Variants in MACROD2 observed in about 807,000 individuals in gnomAD.
The protein encoded by MACROD2 is ADP-ribose glycohydrolase MACROD2.
In MACROD2, 36 loss-of-function variants were observed where a neutral mutation model predicts 70.4. That is an observed-to-expected ratio of 0.51 (90% CI 0.39 to 0.68). The LOEUF is 0.68. Among genes scored for constraint, MACROD2 ranks in the 30% least tolerant of loss-of-function variants. MACROD2 has a pLI of 0.00. For synonymous variants in MACROD2, 172 were observed against 178.8 expected, an observed-to-expected ratio of 0.96 and a Z score of 0.30; for missense variants, 496 against 538.4, an observed-to-expected ratio of 0.92 and a Z score of 0.78.
chr20:15,825,320 A>C (rs79942376), intron 8 of MACROD2, among the ~76,000 whole-genome samples: 1 of 152,128 alleles, frequency 6.6e-6, no homozygotes, highest in African/African-American at 2.4e-5. Context: ...TCCAGGACAC[A>C]GGCATCATAC....
intron 7 of MACROD2, among the ~76,000 whole-genome samples, chr20:15,478,290 G>C (rs6043311): frequency 2.0e-5 from 3 of 152,194 alleles, no homozygotes; most frequent in Admixed American, 6.5e-5. Context: ...TACTGGATAA[G>C]GATTATTCCC....
chr20:15,028,337 T>G (rs911698746), intron 5 of MACROD2, among the ~76,000 whole-genome samples: 1 of 152,184 alleles, frequency 6.6e-6, no homozygotes, highest in African/African-American at 2.4e-5. Context: ...AGCTGAGCCT[T>G]CTAATGCACA....
At chr20:14,878,814 TAC>T (rs1422222120) in intron 5 of MACROD2, among the ~76,000 whole-genome samples, 7 of 152,132 alleles carry the variant, frequency 4.6e-5, no homozygotes, top group South Asian at 2.1e-4. Flanking sequence ...AGGCTCAAAT[TAC>T]ACTCTTCCAG....
At chr20:15,137,720 A>G (rs541529387) in intron 5 of MACROD2, among the ~76,000 whole-genome samples, 1 of 152,178 alleles carries the variant, frequency 6.6e-6, no homozygotes, top group Non-Finnish European at 1.5e-5. Flanking sequence ...AATAATAAAA[A>G]AAAATAATAA....
intron 8 of MACROD2, among the ~76,000 whole-genome samples, chr20:15,605,031 T>C (rs559521116): frequency 2.1e-5 from 3 of 141,106 alleles, no homozygotes; most frequent in East Asian, 4.1e-4. Context: ...TTTTTAAAAA[T>C]TCCCATATGT....
At chr20:15,496,036 GA>G (rs1237014209) in intron 7 of MACROD2, among the ~76,000 whole-genome samples, 1 of 152,168 alleles carries the variant, frequency 6.6e-6, no homozygotes, top group African/African-American at 2.4e-5. Flanking sequence ...TGCAGTGGAG[GA>G]AACAAAGAGC....
At chr20:15,779,358 G>A (rs2051790742) in intron 8 of MACROD2, among the ~76,000 whole-genome samples, 1 of 152,114 alleles carries the variant, frequency 6.6e-6, no homozygotes, top group African/African-American at 2.4e-5. Context: ...TGGTTCCAGT[G>A]GTTCATCCAG....
intron 8 of MACROD2, among the ~76,000 whole-genome samples, chr20:15,653,198 C>CA (rs1225249829): frequency 9.2e-5 from 14 of 152,112 alleles, no homozygotes; most frequent in Admixed American, 9.2e-4. Flanking sequence ...TAGACATGTC[C>CA]AAAACAGATT....
At chr20:15,833,358 C>T (rs2064078895) in intron 8 of MACROD2, among the ~76,000 whole-genome samples, 1 of 152,186 alleles carries the variant, frequency 6.6e-6, no homozygotes, top group Admixed American at 6.5e-5. Context: ...CACTGTACTT[C>T]ATTAATGCTT....
At chr20:15,117,511 C>A (rs766636011) in intron 5 of MACROD2, among the ~76,000 whole-genome samples, 2 of 143,320 alleles carry the variant, frequency 1.4e-5, no homozygotes, top group African/African-American at 5.4e-5. Context: ...CAGGAAATAT[C>A]GCGATTTCAA....
At chr20:15,504,631 G>T (rs1336571896) in intron 8 of MACROD2, among the ~76,000 whole-genome samples, 1 of 152,118 alleles carries the variant, frequency 6.6e-6, no homozygotes, top group African/African-American at 2.4e-5. Context: ...CATGAGGCAG[G>T]CAGGGTCTGA....
At chr20:15,264,518 A>C (rs1568677996) in intron 6 of MACROD2, among the ~76,000 whole-genome samples, 1 of 152,192 alleles carries the variant, frequency 6.6e-6, no homozygotes, top group Non-Finnish European at 1.5e-5. Context: ...ATTGAAGCTT[A>C]AAAAGCATTT....
intron 8 of MACROD2, among the ~76,000 whole-genome samples, chr20:15,637,317 T>A (rs142004861): frequency 1.5e-3 from 232 of 152,322 alleles, no homozygotes; most frequent in African/African-American, 5.4e-3. Flanking sequence ...ATTCAACCCA[T>A]GTAAAGTGAA....
intron 3 of MACROD2, among the ~76,000 whole-genome samples, chr20:14,230,447 C>G (rs1201155404): frequency 1.3e-5 from 2 of 151,438 alleles, no homozygotes; most frequent in African/African-American, 2.4e-5. Flanking sequence ...AGAAGTAACT[C>G]CTCATCTGTT....
chr20:15,434,532 TG>T (rs1374712307), intron 7 of MACROD2, among the ~76,000 whole-genome samples: 1 of 151,738 alleles, frequency 6.6e-6, no homozygotes, highest in Non-Finnish European at 1.5e-5. Flanking sequence ...GATGTTGTGG[TG>T]GATGTGGTGG....
At chr20:15,724,166 A>G (rs971602219) in intron 8 of MACROD2, among the ~76,000 whole-genome samples, 4 of 152,166 alleles carry the variant, frequency 2.6e-5, no homozygotes, top group African/African-American at 9.7e-5. Context: ...TATATTTTGG[A>G]TGATAGTCCT....
chr20:14,201,964 A>T (rs2081483564), intron 3 of MACROD2, among the ~76,000 whole-genome samples: 1 of 152,046 alleles, frequency 6.6e-6, no homozygotes. Flanking sequence ...GTAATTTAAT[A>T]TTTCAAGAAA....
intron 3 of MACROD2, among the ~76,000 whole-genome samples, chr20:14,490,074 G>A (rs1046711414): frequency 3.3e-5 from 5 of 151,978 alleles, no homozygotes; most frequent in East Asian, 1.9e-4. Context: ...GAAAACTGCC[G>A]TGATCATTTT....
intron 6 of MACROD2, among the ~76,000 whole-genome samples, chr20:15,266,026 CA>C: frequency 6.6e-6 from 1 of 152,324 alleles, no homozygotes; most frequent in Middle Eastern, 3.4e-3. Context: ...TTCTGACAGG[CA>C]ATATGATCGG....
Sources: gnomAD v4.1 joint callset for allele counts (sites outside exome capture counted in the v4.1 genomes callset) on GRCh38, gnomAD v4.1.1 for gene constraint, MANE v1.5 for transcripts, NCBI Gene and HGNC (gene_info 2026-07-23, HGNC 2026-07-21) for gene names.